RNFT2: variants seen among roughly 807,000 people sequenced by gnomAD.
The protein encoded by RNFT2 is ring finger protein, transmembrane 2, also known as E3 ubiquitin-protein ligase RNFT2.
Under a neutral mutation model 53.0 loss-of-function variants are expected in RNFT2, and 36 were observed. That is an observed-to-expected ratio of 0.68 (90% confidence interval 0.52 to 0.90). The LOEUF (loss-of-function observed/expected upper bound fraction) is 0.90. Among genes scored for constraint, RNFT2 ranks in the 40% least tolerant of loss-of-function variants. The pLI is 0.00. For missense variants in RNFT2, 514 were observed against 585.6 expected (o/e 0.88, Z 1.26); for synonymous variants, 260 against 253.2 (o/e 1.03, Z -0.26).
Position 116,739,319 on chromosome 12 carries a change from C to T in RNFT2, c.-154+949C>T, listed in dbSNP as rs182667448. Among the ~76,000 whole-genome samples the T allele has an allele frequency of 3.3e-3, 498 of 152,260 alleles. 1 individual carries two copies. The highest frequency in any genetic ancestry group is 4.6e-3 in the Non-Finnish European group (315 of 68,028). ...TCTAGAAAAGGGGAACTGGGAGACCCATAGATGTTTTATTCATTGAGTAAA... is the reference window on the plus strand; with the variant it reads ...TCTAGAAAAGGGGAACTGGGAGACCTATAGATGTTTTATTCATTGAGTAAA... On this transcript the variant is annotated intron_variant, in intron 1 of 10. Coordinates refer to ENST00000257575, the MANE Select transcript of RNFT2 (RefSeq NM_001382266.1).
intron 5 of RNFT2, among the ~76,000 whole-genome samples, chr12:116,759,235 A>G (rs1457958243): frequency 6.6e-6 from 1 of 152,108 alleles, no homozygotes; most frequent in Non-Finnish European, 1.5e-5. Context: ...TAAGCTATCT[A>G]TTTCCTTGAA....
chr12:116,787,249 G>A (rs891780970), intron 7 of RNFT2, among the ~76,000 whole-genome samples: 1 of 152,218 alleles, frequency 6.6e-6, no homozygotes, highest in African/African-American at 2.4e-5. Context: ...CTACTTCTGA[G>A]GACCAGGAGA....
chr12:116,814,844 A>G (rs773905995), intron 7 of RNFT2, among the ~76,000 whole-genome samples: 3 of 151,940 alleles, frequency 2.0e-5, no homozygotes, highest in Non-Finnish European at 4.4e-5. Flanking sequence ...ATGCCCAGCT[A>G]AGTTTTCTAT....
intron 10 of RNFT2, among the ~76,000 whole-genome samples, chr12:116,837,012 C>T (rs990547553): frequency 6.6e-6 from 1 of 152,090 alleles, no homozygotes; most frequent in African/African-American, 2.4e-5. Context: ...ATGGAAAGAA[C>T]TAAATTTCAA....
Position 116,851,137 on chromosome 12 carries a change from C to T in RNFT2, c.*1689C>T, listed in dbSNP as rs77637079. On this transcript the variant is annotated 3_prime_UTR_variant, in exon 11 of 11. Transcript: ENST00000257575. ...GGAAACTTGGGCACAGAGCTTGGTG[C>T]GGTAACTTTCCCAGGGTCACCCAGC... 4,035 of 152,020 alleles carry T rather than the reference C, an allele frequency of 0.027. 158 individuals carry two copies. Among genetic ancestry groups the T allele is most frequent in the East Asian group, 0.13 (648 of 5,148 alleles). 9.4% of individuals were successfully genotyped at this position (152,020 alleles called of 1,614,324 possible).
At chr12:116,814,839 C>T (rs1427066212) in intron 7 of RNFT2, among the ~76,000 whole-genome samples, 1 of 152,052 alleles carries the variant, frequency 6.6e-6, no homozygotes, top group East Asian at 1.9e-4. Flanking sequence ...CCACCATGCC[C>T]AGCTAAGTTT....
chr12:116,845,254 A>T (rs1175326670), intron 10 of RNFT2, among the ~76,000 whole-genome samples: 20 of 115,626 alleles, frequency 1.7e-4, no homozygotes, highest in African/African-American at 1.1e-3. Context: ...AAAAAAAAAA[A>T]AAAAATATAT....
At chr12:116,770,288 T>C (rs1873117466) in intron 6 of RNFT2, among the ~76,000 whole-genome samples, 1 of 152,226 alleles carries the variant, frequency 6.6e-6, no homozygotes, top group Non-Finnish European at 1.5e-5. Context: ...TATAATTGTC[T>C]ATAGTATTCA....
intron 7 of RNFT2, among the ~76,000 whole-genome samples, chr12:116,828,352 C>T (rs777967909): frequency 1.2e-4 from 18 of 152,284 alleles, no homozygotes; most frequent in Non-Finnish European, 2.1e-4. Flanking sequence ...AGCTCCCAGG[C>T]GATGCTGATG....
intron 4 of RNFT2, among the ~76,000 whole-genome samples, chr12:116,751,074 C>G (rs1282727109): frequency 6.7e-6 from 1 of 150,068 alleles, no homozygotes; most frequent in Admixed American, 6.7e-5. Context: ...GCCACCACAC[C>G]CGGCTAAATT....
At chr12:116,846,571 T>C (rs1426477552) in intron 10 of RNFT2, among the ~76,000 whole-genome samples, 1 of 152,026 alleles carries the variant, frequency 6.6e-6, no homozygotes, top group Non-Finnish European at 1.5e-5. Context: ...GTTATAGGCA[T>C]GAGCCACTGT....
At chr12:116,830,956 A>AGATC (rs1876614212) in intron 7 of RNFT2, among the ~76,000 whole-genome samples, 1 of 152,008 alleles carries the variant, frequency 6.6e-6, no homozygotes, top group African/African-American at 2.4e-5. Flanking sequence ...ATTGAAACCA[A>AGATC]GATCCCATGT....
In RNFT2 at chr12:116,755,095, T is replaced by C. The variant is rs183245688; in HGVS notation, c.627+1035T>C. Among the ~76,000 whole-genome samples the C allele has an allele frequency of 1.9e-3, 297 of 152,356 alleles. 1 individual carries two copies. The highest frequency in any genetic ancestry group is 6.9e-3 in the African/African-American group (289 of 41,592). On this transcript the variant is annotated intron_variant, in intron 5 of 10. Coordinates refer to ENST00000257575, the MANE Select transcript of RNFT2 (RefSeq NM_001382266.1). ...GTCTAGAAGGGTTTTTCCAATGTTA[T>C]CTTCTAGAATTTTTATAGTTTTAGG...
At position 116,832,008 on chromosome 12, in the gene RNFT2, G is replaced by A. The variant is rs770792955; in HGVS notation, c.883-1784G>A. ...TAGCCAGGCGTGGTGGTGTGTACCC[G>A]TGATCCCATTTACTTGGGAGGCTGA... On this transcript the variant is annotated intron_variant, in intron 7 of 10. Coordinates refer to ENST00000257575, the MANE Select transcript of RNFT2 (RefSeq NM_001382266.1). Among the ~76,000 whole-genome samples the A allele has an allele frequency of 1.7e-3, 257 of 151,138 alleles. 1 individual carries two copies. The highest frequency in any genetic ancestry group is 3.1e-3 in the Non-Finnish European group (213 of 67,800).
intron 7 of RNFT2, among the ~76,000 whole-genome samples, chr12:116,830,364 T>A (rs1310270664): frequency 9.2e-5 from 14 of 152,166 alleles, no homozygotes; most frequent in Admixed American, 9.2e-4. Flanking sequence ...CATAGCTCAC[T>A]GCAGCCTCGA....
intron 6 of RNFT2, among the ~76,000 whole-genome samples, chr12:116,776,580 A>G (rs1375375195): frequency 6.6e-6 from 1 of 152,188 alleles, no homozygotes; most frequent in African/African-American, 2.4e-5. Flanking sequence ...GTGACTTGTC[A>G]GTAATTTTGC....
At chr12:116,824,537 C>T (rs1876224361) in intron 7 of RNFT2, among the ~76,000 whole-genome samples, 1 of 152,160 alleles carries the variant, frequency 6.6e-6, no homozygotes. Flanking sequence ...TGTGGGATTC[C>T]CCCTCATGGT....
At chr12:116,743,242 AAACCGG>A (rs1566066781) in intron 3 of RNFT2, among the ~76,000 whole-genome samples, 5 of 95,098 alleles carry the variant, frequency 5.3e-5, no homozygotes, top group East Asian at 3.7e-4. Flanking sequence ...AAAAAAAAAA[AAACCGG>A]TTAAAAAACA....
intron 10 of RNFT2, among the ~76,000 whole-genome samples, chr12:116,840,779 T>C (rs1877208921): frequency 6.6e-6 from 1 of 152,118 alleles, no homozygotes; most frequent in Admixed American, 6.5e-5. Context: ...AAGAGTCATA[T>C]GAGATGATGT....
Sources: allele counts gnomAD v4.1 joint callset (sites outside exome capture counted in the v4.1 genomes callset), GRCh38; gene constraint gnomAD v4.1.1; transcripts MANE v1.5; gene names NCBI Gene and HGNC (gene_info 2026-07-23, HGNC 2026-07-21).